FGGY: variants seen among roughly 807,000 people sequenced by gnomAD.
The protein encoded by FGGY is FGGY carbohydrate kinase domain-containing protein.
Under a neutral mutation model 71.3 loss-of-function variants are expected in FGGY, and 72 were observed. The observed-to-expected ratio is 1.01, with a 90% CI of 0.84 to 1.23. The LOEUF (loss-of-function observed/expected upper bound fraction) is 1.23. Ranked by LOEUF, FGGY falls within the 50% of genes most tolerant of loss-of-function variation. The pLI, the probability that FGGY is intolerant of heterozygous loss-of-function variation, is 0.00. For missense variants in FGGY, 668 were observed against 682.3 expected (o/e 0.98, Z 0.23); for synonymous variants, 251 against 250.3 (o/e 1.00, Z -0.02).
At chr1:59,647,155 G>A (rs532544563) in intron 11 of FGGY, among the ~76,000 whole-genome samples, 1 of 152,284 alleles carries the variant, frequency 6.6e-6, no homozygotes, top group Non-Finnish European at 1.5e-5. Flanking sequence ...AGGAACTAAG[G>A]CCAGAGGACC....
intron 7 of FGGY, among the ~76,000 whole-genome samples, chr1:59,518,375 A>C (rs1225719761): frequency 1.3e-5 from 2 of 152,234 alleles, no homozygotes; most frequent in African/African-American, 4.8e-5. Context: ...ACATTTATTT[A>C]TAAGTAGTAT....
intron 4 of FGGY, among the ~76,000 whole-genome samples, chr1:59,352,547 A>G (rs544746340): frequency 6.6e-6 from 1 of 152,242 alleles, no homozygotes; most frequent in East Asian, 1.9e-4. Context: ...TCCTCCTGAT[A>G]ACATACTGGG....
intron 7 of FGGY, among the ~76,000 whole-genome samples, chr1:59,531,173 C>G (rs1206177814): frequency 6.6e-6 from 1 of 152,138 alleles, no homozygotes; most frequent in Non-Finnish European, 1.5e-5. Context: ...GTGTAAGTCT[C>G]AAATCTGCCC....
At chr1:59,591,026 A>G (rs1558468447) in intron 8 of FGGY, among the ~76,000 whole-genome samples, 3 of 152,226 alleles carry the variant, frequency 2.0e-5, no homozygotes, top group Non-Finnish European at 2.9e-5. Context: ...ACGTGATTGT[A>G]TATCTAGAAA....
At chr1:59,728,459 T>C (rs958292937) in intron 14 of FGGY, among the ~76,000 whole-genome samples, 3 of 152,086 alleles carry the variant, frequency 2.0e-5, no homozygotes, top group Non-Finnish European at 2.9e-5. Context: ...GATGAAATAT[T>C]ATCATTTACC....
intron 5 of FGGY, among the ~76,000 whole-genome samples, chr1:59,428,303 G>A (rs1020365285): frequency 6.6e-6 from 1 of 152,142 alleles, no homozygotes; most frequent in East Asian, 1.9e-4. Context: ...TCATCCTTAC[G>A]GATAGGGAGG....
intron 6 of FGGY, among the ~76,000 whole-genome samples, chr1:59,505,268 G>T (rs1405286370): frequency 1.3e-5 from 2 of 152,176 alleles, no homozygotes; most frequent in African/African-American, 4.8e-5. Context: ...GAGCGTAGGG[G>T]CCTTAACTAT....
chr1:59,702,133 C>T (rs1028502330), intron 14 of FGGY, among the ~76,000 whole-genome samples: 2 of 152,060 alleles, frequency 1.3e-5, no homozygotes, highest in Non-Finnish European at 2.9e-5. Context: ...GTGAGAACTC[C>T]CTCACTACCA....
intron 6 of FGGY, among the ~76,000 whole-genome samples, chr1:59,472,507 G>T (rs574080253): frequency 1.3e-5 from 2 of 152,376 alleles, no homozygotes; most frequent in South Asian, 4.1e-4. Flanking sequence ...TCCACCTGCA[G>T]CCCCGGTGCG....
intron 4 of FGGY, among the ~76,000 whole-genome samples, chr1:59,352,235 C>T (rs1024633667): frequency 2.0e-4 from 30 of 152,130 alleles, no homozygotes; most frequent in African/African-American, 7.0e-4. Flanking sequence ...TAACAAGGTG[C>T]AGACTGAGGA....
intron 4 of FGGY, among the ~76,000 whole-genome samples, chr1:59,357,596 A>ATG (rs147032443): frequency 2.7e-4 from 41 of 151,616 alleles, no homozygotes; most frequent in African/African-American, 7.7e-4. Context: ...ATTCTGGTAT[A>ATG]TGTGTGTGTG....
chr1:59,434,690 C>T (rs1393255201), intron 5 of FGGY, among the ~76,000 whole-genome samples: 2 of 152,178 alleles, frequency 1.3e-5, no homozygotes, highest in African/African-American at 2.4e-5. Flanking sequence ...GTAGCCATCT[C>T]CTCTGTGTCC....
chr1:59,479,683 A>T (rs1013274660), intron 6 of FGGY, among the ~76,000 whole-genome samples: 1 of 152,144 alleles, frequency 6.6e-6, no homozygotes, highest in African/African-American at 2.4e-5. Context: ...CAGAATCTGT[A>T]AAAAATGGAA....
intron 8 of FGGY, among the ~76,000 whole-genome samples, chr1:59,575,791 C>T (rs2096066558): frequency 6.6e-6 from 1 of 152,132 alleles, no homozygotes; most frequent in Non-Finnish European, 1.5e-5. Flanking sequence ...ATTATATATG[C>T]TCTGCATGCA....
chr1:59,666,727 G>A (rs2097329452), intron 12 of FGGY, among the ~76,000 whole-genome samples: 1 of 152,202 alleles, frequency 6.6e-6, no homozygotes, highest in Non-Finnish European at 1.5e-5. Flanking sequence ...TCAGGCAATA[G>A]CAGCGGTAAT....
At chr1:59,707,588 C>T (rs1050711693) in intron 14 of FGGY, among the ~76,000 whole-genome samples, 1 of 152,234 alleles carries the variant, frequency 6.6e-6, no homozygotes, top group Non-Finnish European at 1.5e-5. Context: ...AACCAAAACA[C>T]AGCCATAAAT....
chr1:59,501,752 T>A (rs1359323231), intron 6 of FGGY, among the ~76,000 whole-genome samples: 1 of 152,216 alleles, frequency 6.6e-6, no homozygotes, highest in Non-Finnish European at 1.5e-5. Flanking sequence ...CTTTTTGTGC[T>A]AGAAAACTGA....
At chr1:59,435,832 G>A (rs1201065446) in intron 5 of FGGY, among the ~76,000 whole-genome samples, 1 of 150,800 alleles carries the variant, frequency 6.6e-6, no homozygotes, top group Non-Finnish European at 1.5e-5. Context: ...GGAGTGCAAA[G>A]ATTTTTGTCA....
At chr1:59,319,445 A>C (rs957090530) in intron 1 of FGGY, among the ~76,000 whole-genome samples, 6 of 152,198 alleles carry the variant, frequency 3.9e-5, no homozygotes, top group Non-Finnish European at 7.3e-5. Flanking sequence ...AAGAAAAATA[A>C]AATTGTGATT....
Sources: gnomAD v4.1 joint callset for allele counts (sites outside exome capture counted in the v4.1 genomes callset) on GRCh38, gnomAD v4.1.1 for gene constraint, MANE v1.5 for transcripts, NCBI Gene and HGNC (gene_info 2026-07-23, HGNC 2026-07-21) for gene names.